C14orf132: variants seen among roughly 807,000 people sequenced by gnomAD.
C14orf132 encodes uncharacterized protein C14orf132.
A neutral mutation model predicts 5.8 loss-of-function variants in C14orf132; 6 were observed. That is an observed-to-expected ratio of 1.03 (90% CI 0.57 to 2.04). C14orf132 has a LOEUF of 2.04. Ranked by LOEUF, C14orf132 falls within the 30% of genes most tolerant of loss-of-function variation. The pLI is 0.00. For missense variants in C14orf132, 125 were observed against 115.8 expected, an observed-to-expected ratio of 1.08 and a Z score of -0.37; for synonymous variants, 51 against 49.8, an observed-to-expected ratio of 1.02 and a Z score of -0.10.
rs1888380752 is a variant in C14orf132, at chr14:96,090,930, TA to T, written c.*4196del. The T allele has an allele frequency of 2.2e-6, 1 of 456,022 alleles. No individual in the cohort carries two copies. The highest frequency in any genetic ancestry group is 2.3e-5 in the Admixed American group (1 of 42,566). 28.2% of individuals were successfully genotyped at this position (456,022 alleles called of 1,614,324 possible). ...CAGAAGCATCATCTGCCTTCATTAT[TA>T]GCAGTAATATTATTCCCAGTTATTA... On this transcript the variant is annotated 3_prime_UTR_variant, in exon 2 of 2. Transcript: ENST00000555004.
intron 1 of C14orf132, among the ~76,000 whole-genome samples, chr14:96,073,083 T>A (rs941025071): frequency 6.6e-6 from 1 of 152,198 alleles, no homozygotes; most frequent in African/African-American, 2.4e-5. Context: ...GCTGCATAAT[T>A]GCTTCCCACA....
chr14:96,084,675 C>T (rs185670194), intron 1 of C14orf132, among the ~76,000 whole-genome samples: 39 of 152,258 alleles, frequency 2.6e-4, no homozygotes, highest in Non-Finnish European at 4.0e-4. Flanking sequence ...ATGTACCCCA[C>T]GAGGGGTGAA....
chr14:96,086,348 A>G (rs754960186), intron 1 of C14orf132, among the ~76,000 whole-genome samples, 163 bp from the exon 2 acceptor site: 40 of 152,294 alleles, frequency 2.6e-4, no homozygotes, highest in South Asian at 6.2e-4. Context: ...ATTTTTATAA[A>G]TTACCATCAA....
chr14:96,091,163 G>A lies in C14orf132; in HGVS notation c.*4428G>A. On this transcript the variant is annotated 3_prime_UTR_variant, in exon 2 of 2. Transcript: ENST00000555004. Reference sequence around the variant, plus strand: ...AGACCCAGTTCTGTCAGCTCTAGAGGCACCCTGCATCATGCCCACCAGGGT... The same window carrying A: ...AGACCCAGTTCTGTCAGCTCTAGAGACACCCTGCATCATGCCCACCAGGGT... 1 of 389,268 alleles carries A rather than the reference G, an allele frequency of 2.6e-6. No homozygotes were observed. The highest frequency in any genetic ancestry group is 1.9e-5 in the South Asian group (1 of 51,518). 24.1% of individuals were successfully genotyped at this position (389,268 alleles called of 1,614,324 possible). A position where few individuals can be genotyped will look rare whatever the true frequency, so the allele number is the denominator to read the frequency against.
chr14:96,053,772 C>T (rs563137205), intron 1 of C14orf132, among the ~76,000 whole-genome samples: 1 of 152,306 alleles, frequency 6.6e-6, no homozygotes, highest in Admixed American at 6.5e-5. Context: ...CTGTCAGTCT[C>T]CAGCAGCCCA....
At chr14:96,084,905 C>T (rs1390927605) in intron 1 of C14orf132, among the ~76,000 whole-genome samples, 1 of 152,198 alleles carries the variant, frequency 6.6e-6, no homozygotes, top group East Asian at 1.9e-4. Context: ...TGGTAATGGT[C>T]ATCCTTTAAG....
intron 1 of C14orf132, among the ~76,000 whole-genome samples, chr14:96,086,210 G>T (rs1595194485): frequency 6.6e-6 from 1 of 152,290 alleles, no homozygotes; most frequent in East Asian, 1.9e-4. Context: ...CATGGGGGGA[G>T]GGGAATGGCT....
chr14:96,045,252 G>A (rs1352116030), intron 1 of C14orf132, among the ~76,000 whole-genome samples: 1 of 152,214 alleles, frequency 6.6e-6, no homozygotes, highest in Non-Finnish European at 1.5e-5. Flanking sequence ...GGCTCCAGGA[G>A]CCCAGAGATC....
At position 96,086,833 on chromosome 14, in the gene C14orf132, T is replaced by G; in HGVS notation, c.*98T>G. The G allele has an allele frequency of 8.1e-7, 1 of 1,229,698 alleles. No individual in the cohort carries two copies. The highest frequency in any genetic ancestry group is 1.1e-6 in the Non-Finnish European group (1 of 894,552). 76.2% of individuals were successfully genotyped at this position (1,229,698 alleles called of 1,614,324 possible). ...CTCCTGTGTTCTAGAACCAGGAGTT[T>G]TGACCAGGGGCGGCGGCCGTCCTTC... On this transcript the variant is annotated 3_prime_UTR_variant, in exon 2 of 2. Transcript: ENST00000555004.
chr14:96,093,750 A>G lies in C14orf132; in HGVS notation c.*7015A>G, dbSNP rs1420225258. 1 of 152,218 alleles carries G rather than the reference A, an allele frequency of 6.6e-6. No individual in the cohort carries two copies. 9.4% of individuals were successfully genotyped at this position (152,218 alleles called of 1,614,324 possible). A position where few individuals can be genotyped will look rare whatever the true frequency, so the allele number is the denominator to read the frequency against. ...AGTGAAGACTCTTTCTTAATAAAGGATTTCGCTGTGCTCTTTTGATTAAAA... is the reference window on the plus strand; with the variant it reads ...AGTGAAGACTCTTTCTTAATAAAGGGTTTCGCTGTGCTCTTTTGATTAAAA... On this transcript the variant is annotated 3_prime_UTR_variant, in exon 2 of 2. Coordinates refer to ENST00000555004, the MANE Select transcript of C14orf132 (RefSeq NM_001252507.3).
In C14orf132 at chr14:96,091,932, C is replaced by T. The variant is rs980146582; in HGVS notation, c.*5197C>T. 6.6e-6 allele frequency: 1 copy of T among 152,228 alleles called. No individual in the cohort carries two copies. Among genetic ancestry groups the T allele is most frequent in the African/African-American group, 2.4e-5 (1 of 41,450 alleles). The allele number at this position is 152,228 out of a possible 1,614,324, so 9.4% of individuals were successfully genotyped here. On this transcript the variant is annotated 3_prime_UTR_variant, in exon 2 of 2. Transcript: ENST00000555004. ...CCAGCGCGTCCTTCTGAGCTCAGAC[C>T]TTGAGCATTTACTGGGTTTCTTTTT...
At chr14:96,080,269 C>T (rs377363982) in intron 1 of C14orf132, among the ~76,000 whole-genome samples, 1 of 152,150 alleles carries the variant, frequency 6.6e-6, no homozygotes, top group Non-Finnish European at 1.5e-5. Context: ...CTCAGGTCTC[C>T]AGGCCCAGAG....
chr14:96,054,214 A>G (rs1461698773), intron 1 of C14orf132, among the ~76,000 whole-genome samples: 1 of 152,180 alleles, frequency 6.6e-6, no homozygotes, highest in African/African-American at 2.4e-5. Context: ...CTTTAGCAAC[A>G]GGAGGCTCAC....
At chr14:96,080,042 C>A (rs950928180) in intron 1 of C14orf132, among the ~76,000 whole-genome samples, 1 of 152,116 alleles carries the variant, frequency 6.6e-6, no homozygotes, top group African/African-American at 2.4e-5. Flanking sequence ...ATTTGAAATT[C>A]GAATTTAAGT....
chr14:96,059,836 G>T (rs968709171), intron 1 of C14orf132, among the ~76,000 whole-genome samples: 1 of 152,166 alleles, frequency 6.6e-6, no homozygotes, highest in Non-Finnish European at 1.5e-5. Context: ...TCCTGCTGAG[G>T]GTCTTCTGTG....
intron 1 of C14orf132, among the ~76,000 whole-genome samples, chr14:96,054,623 C>T (rs1214239712): frequency 1.3e-5 from 2 of 152,168 alleles, no homozygotes; most frequent in African/African-American, 4.8e-5. Flanking sequence ...TGCAGGGCAG[C>T]ATGGACACCA....
At chr14:96,081,448 T>C (rs1888029855) in intron 1 of C14orf132, among the ~76,000 whole-genome samples, 1 of 152,196 alleles carries the variant, frequency 6.6e-6, no homozygotes, top group South Asian at 2.1e-4. Flanking sequence ...GATTCTTGAC[T>C]GATGGTCCTA....
intron 1 of C14orf132, among the ~76,000 whole-genome samples, chr14:96,058,788 G>A (rs2075354610): frequency 6.6e-6 from 1 of 152,202 alleles, no homozygotes; most frequent in Admixed American, 6.5e-5. Flanking sequence ...CTACAGCATT[G>A]CAGCAGTAGG....
chr14:96,066,687 A>G (rs1595180427), intron 1 of C14orf132, among the ~76,000 whole-genome samples: 1 of 152,340 alleles, frequency 6.6e-6, no homozygotes, highest in East Asian at 1.9e-4. Context: ...AAGTGCTCAC[A>G]GTCCCTAAGA....
Sources: allele counts gnomAD v4.1 joint callset (sites outside exome capture counted in the v4.1 genomes callset), GRCh38; gene constraint gnomAD v4.1.1; transcripts MANE v1.5; gene names NCBI Gene and HGNC (gene_info 2026-07-23, HGNC 2026-07-21).